The following CSMD1 variants were observed in gnomAD, a reference collection of about 807,000 sequenced individuals.
The protein encoded by CSMD1 is CUB and Sushi multiple domains 1.
A neutral mutation model predicts 417.5 loss-of-function variants in CSMD1; 213 were observed. That is an observed-to-expected ratio of 0.51 (90% CI 0.46 to 0.57). The LOEUF is 0.57. Ranked by LOEUF, CSMD1 falls within the 20% of genes least tolerant of loss-of-function variation. The pLI, the probability that CSMD1 is intolerant of heterozygous loss-of-function variation, is 0.00. For synonymous variants in CSMD1, 2,862 were observed against 1,736.8 expected, an observed-to-expected ratio of 1.65 and a Z score of -16.11; for missense variants, 6,923 against 4,529.7, an observed-to-expected ratio of 1.53 and a Z score of -15.17.
At chr8:4,054,386 G>T (rs1463431419) in intron 3 of CSMD1, among the ~76,000 whole-genome samples, 1 of 152,198 alleles carries the variant, frequency 6.6e-6, no homozygotes, top group African/African-American at 2.4e-5. Flanking sequence ...GGGGATGGCC[G>T]CCCGAGCCAT....
chr8:3,787,626 T>G (rs1355089994), intron 5 of CSMD1, among the ~76,000 whole-genome samples: 1 of 152,172 alleles, frequency 6.6e-6, no homozygotes, highest in Non-Finnish European at 1.5e-5. Flanking sequence ...ATAAGTATTT[T>G]TATTCCAAGG....
chr8:4,463,678 A>G (rs1230581128), intron 2 of CSMD1, among the ~76,000 whole-genome samples: 8 of 152,208 alleles, frequency 5.3e-5, no homozygotes, highest in Non-Finnish European at 7.3e-5. Context: ...TTGCACTTAC[A>G]TTAAATGTCC....
chr8:3,473,752 G>T (rs1455869967), intron 11 of CSMD1, among the ~76,000 whole-genome samples: 2 of 152,130 alleles, frequency 1.3e-5, no homozygotes, highest in African/African-American at 4.8e-5. Flanking sequence ...GTCTGTATGG[G>T]TGTATCAGTC....
chr8:4,465,088 G>T (rs537311698), intron 2 of CSMD1, among the ~76,000 whole-genome samples: 1 of 152,072 alleles, frequency 6.6e-6, no homozygotes, highest in African/African-American at 2.4e-5. Flanking sequence ...GAAACGGAAC[G>T]GTTTTCACTG....
At chr8:3,960,790 G>A (rs1268819921) in intron 5 of CSMD1, among the ~76,000 whole-genome samples, 1 of 151,608 alleles carries the variant, frequency 6.6e-6, no homozygotes, top group African/African-American at 2.4e-5. Context: ...GTAGAAACTG[G>A]AAAATTACAA....
chr8:3,430,662 C>G (rs964908314), intron 12 of CSMD1, among the ~76,000 whole-genome samples: 1 of 151,996 alleles, frequency 6.6e-6, no homozygotes, highest in African/African-American at 2.4e-5. Context: ...CAAAAAGTAG[C>G]CAGGTGTGAT....
intron 46 of CSMD1, among the ~76,000 whole-genome samples, chr8:3,099,684 G>A (rs948442293): frequency 4.6e-5 from 7 of 152,142 alleles, no homozygotes; most frequent in Non-Finnish European, 8.8e-5. Context: ...AAACCTATTC[G>A]CACATCCTGG....
chr8:3,030,270 T>G (rs1411438111), intron 50 of CSMD1, among the ~76,000 whole-genome samples: 2 of 152,008 alleles, frequency 1.3e-5, no homozygotes, highest in East Asian at 3.8e-4. Flanking sequence ...ACATATTCTT[T>G]GAAAAGTGCA....
At chr8:4,792,700 C>T (rs535463701) in intron 1 of CSMD1, among the ~76,000 whole-genome samples, 1 of 152,226 alleles carries the variant, frequency 6.6e-6, no homozygotes, top group East Asian at 1.9e-4. Flanking sequence ...CCAAAAGGAA[C>T]AATTCTAGGA....
chr8:3,593,402 C>G (rs142165941), intron 8 of CSMD1, among the ~76,000 whole-genome samples: 1 of 152,184 alleles, frequency 6.6e-6, no homozygotes. Context: ...TGAGCCTCCC[C>G]CAGGTCCACC....
chr8:4,039,034 G>C (rs1220038391), intron 3 of CSMD1, among the ~76,000 whole-genome samples: 1 of 142,790 alleles, frequency 7.0e-6, no homozygotes, highest in Non-Finnish European at 1.5e-5. Flanking sequence ...CTTTCCAAAA[G>C]AAAAGTGAAA....
chr8:4,812,702 T>G (rs1239552002), intron 1 of CSMD1, among the ~76,000 whole-genome samples: 1 of 152,176 alleles, frequency 6.6e-6, no homozygotes, highest in African/African-American at 2.4e-5. Flanking sequence ...GAAAGAAACA[T>G]GTAAAAAATA....
intron 2 of CSMD1, among the ~76,000 whole-genome samples, chr8:4,442,572 G>T (rs958470673): frequency 1.3e-5 from 2 of 152,108 alleles, no homozygotes; most frequent in Non-Finnish European, 1.5e-5. Flanking sequence ...ATTTTATCTT[G>T]TTTCACTTAT....
At chr8:3,835,001 G>A (rs901063509) in intron 5 of CSMD1, among the ~76,000 whole-genome samples, 3 of 152,240 alleles carry the variant, frequency 2.0e-5, no homozygotes, top group South Asian at 2.1e-4. Flanking sequence ...AGAAATGCAA[G>A]TCAAAACCAC....
chr8:3,272,248 C>G (rs551230526), intron 26 of CSMD1, among the ~76,000 whole-genome samples: 1 of 144,062 alleles, frequency 6.9e-6, no homozygotes, highest in Non-Finnish European at 1.5e-5. Flanking sequence ...TGTAGATATG[C>G]GGCGTTATTT....
chr8:4,991,176 A>C (rs1349814230), intron 1 of CSMD1, among the ~76,000 whole-genome samples: 1 of 152,192 alleles, frequency 6.6e-6, no homozygotes, highest in Non-Finnish European at 1.5e-5. Context: ...AAAGGGGCAG[A>C]TACGAGCCAG....
intron 3 of CSMD1, among the ~76,000 whole-genome samples, chr8:4,316,934 A>G (rs1798970647): frequency 6.6e-6 from 1 of 152,134 alleles, no homozygotes; most frequent in Non-Finnish European, 1.5e-5. Context: ...ACTGAATGAA[A>G]ATATGCCACA....
intron 1 of CSMD1, among the ~76,000 whole-genome samples, chr8:4,687,029 C>G (rs983516611): frequency 6.6e-6 from 1 of 152,210 alleles, no homozygotes; most frequent in Admixed American, 6.5e-5. Context: ...CCAGCGAACT[C>G]CATGCACCCA....
At chr8:4,694,060 T>C (rs564261183) in intron 1 of CSMD1, among the ~76,000 whole-genome samples, 86 of 152,328 alleles carry the variant, frequency 5.6e-4, no homozygotes, top group Non-Finnish European at 9.0e-4. Context: ...AGGGCAAACC[T>C]GCCTCCCATC....
Sources: allele counts gnomAD v4.1 joint callset (sites outside exome capture counted in the v4.1 genomes callset), GRCh38; gene constraint gnomAD v4.1.1; transcripts MANE v1.5; gene names NCBI Gene and HGNC (gene_info 2026-07-23, HGNC 2026-07-21).